The following KCNN3 variants were observed in gnomAD, a reference collection of about 807,000 sequenced individuals.
KCNN3 encodes small conductance calcium-activated potassium channel protein 3.
Under a neutral mutation model 62.9 loss-of-function variants are expected in KCNN3, and 16 were observed. The observed-to-expected ratio is 0.25, with a 90% CI of 0.17 to 0.39. KCNN3 has a LOEUF of 0.39. KCNN3 is among the 10% of genes least tolerant of loss of function. The probability of loss-of-function intolerance (pLI) is 1.00; values close to 1 mark genes in which losing one functional copy is unlikely to be tolerated. For synonymous variants in KCNN3, 370 were observed against 389.2 expected (o/e 0.95, Z 0.58); for missense variants, 599 against 949.4 (o/e 0.63, Z 4.85).
chr1:154,710,162 C>T (rs1032424881), intron 7 of KCNN3, among the ~76,000 whole-genome samples: 2 of 152,172 alleles, frequency 1.3e-5, no homozygotes, highest in African/African-American at 2.4e-5. Context: ...TCAATACAGA[C>T]GTAATATGTG....
chr1:154,738,544 A>G (rs775582939), intron 3 of KCNN3, among the ~76,000 whole-genome samples: 1 of 152,218 alleles, frequency 6.6e-6, no homozygotes, highest in Non-Finnish European at 1.5e-5. Context: ...GGAGGAAGAC[A>G]AGGAATAAAG....
At chr1:154,794,637 C>G (rs892281277) in intron 2 of KCNN3, among the ~76,000 whole-genome samples, 2 of 152,172 alleles carry the variant, frequency 1.3e-5, no homozygotes, top group African/African-American at 4.8e-5. Context: ...TTGAGGCCCA[C>G]AAGGAACAGG....
Position 154,702,747 on chromosome 1 carries a change from A to ATG in KCNN3, c.*5227_*5228dup, listed in dbSNP as rs1699882585. The ATG allele has an allele frequency of 5.8e-5, 5 of 85,826 alleles. No individual in the cohort carries two copies. Among genetic ancestry groups the ATG allele is most frequent in the South Asian group, 3.9e-4 (1 of 2,596 alleles). 5.3% of individuals were successfully genotyped at this position (85,826 alleles called of 1,614,324 possible). ...TATATATATATATATATATATATATATGTACTTTTTCTTTTTGGCTATAAA... is the reference window on the plus strand; with the variant it reads ...TATATATATATATATATATATATATATGTGTACTTTTTCTTTTTGGCTATAAA... On this transcript the variant is annotated 3_prime_UTR_variant, in exon 8 of 8. Coordinates refer to ENST00000271915, the MANE Select transcript of KCNN3 (RefSeq NM_002249.6).
At chr1:154,713,376 G>T in intron 7 of KCNN3, 88 bp downstream of exon 7, 1 of 1,097,488 alleles carries the variant, frequency 9.1e-7, no homozygotes, top group African/African-American at 1.5e-5. Context: ...GCGCTGTCCA[G>T]TGCGAACCCA....
intron 3 of KCNN3, among the ~76,000 whole-genome samples, chr1:154,754,440 A>G (rs1458401803): frequency 6.6e-6 from 1 of 152,180 alleles, no homozygotes; most frequent in Non-Finnish European, 1.5e-5. Context: ...CCTCTTCTTC[A>G]TTAGTAAGAG....
chr1:154,784,462 T>C (rs2101854354), intron 2 of KCNN3, among the ~76,000 whole-genome samples: 1 of 152,284 alleles, frequency 6.6e-6, no homozygotes, highest in Non-Finnish European at 1.5e-5. Flanking sequence ...GTACAAGCAC[T>C]CCCTCTTCTC....
At chr1:154,840,033 A>C (rs930229272) in intron 1 of KCNN3, among the ~76,000 whole-genome samples, 2 of 152,120 alleles carry the variant, frequency 1.3e-5, no homozygotes, top group African/African-American at 2.4e-5. Context: ...AAGGCACTGG[A>C]AATTGTACTT....
intron 1 of KCNN3, among the ~76,000 whole-genome samples, chr1:154,825,357 G>A (rs1192664662): frequency 6.9e-6 from 1 of 145,068 alleles, no homozygotes; most frequent in East Asian, 2.1e-4. Context: ...CCCATTTGAT[G>A]AGAATCATTT....
intron 1 of KCNN3, among the ~76,000 whole-genome samples, chr1:154,847,721 T>C (rs1200624542): frequency 1.3e-5 from 2 of 152,134 alleles, no homozygotes; most frequent in Non-Finnish European, 2.9e-5. Context: ...GTCTTGCCTC[T>C]CCCCACCCAT....
At chr1:154,819,374 G>C (rs1358427957) in intron 2 of KCNN3, among the ~76,000 whole-genome samples, 1 of 152,164 alleles carries the variant, frequency 6.6e-6, no homozygotes. Flanking sequence ...TTCAAAGAAC[G>C]TGCTACAAAC....
chr1:154,709,546 G>A (rs948557669), intron 7 of KCNN3, among the ~76,000 whole-genome samples: 1 of 152,160 alleles, frequency 6.6e-6, no homozygotes, highest in African/African-American at 2.4e-5. Context: ...AGCCAGAGAA[G>A]AATGAAGGGG....
rs555811870 is a variant in KCNN3, at chr1:154,732,354, G to A, written c.1590+649C>T. Among the ~76,000 whole-genome samples, 16 of 152,308 alleles carry A rather than the reference G, an allele frequency of 1.1e-4. No homozygotes were observed. The South Asian group carries it at 2.5e-3, about 24-fold the overall frequency. Reference sequence around the variant, plus strand: ...GGAGAGATACACCTTGAAAGGGCACGGCACACCTGCTGGGCACCTGGAGAT... The same window carrying A: ...GGAGAGATACACCTTGAAAGGGCACAGCACACCTGCTGGGCACCTGGAGAT... On this transcript the variant is annotated intron_variant, in intron 4 of 7. Coordinates refer to ENST00000271915, the MANE Select transcript of KCNN3 (RefSeq NM_002249.6).
At chr1:154,775,584 A>G (rs1054483240) in intron 2 of KCNN3, among the ~76,000 whole-genome samples, 6 of 1,698 alleles carry the variant, frequency 3.5e-3, no homozygotes, top group African/African-American at 5.9e-3. Flanking sequence ...CCACCCACCC[A>G]TGAGGATCCT....
Position 154,748,012 on chromosome 1 carries a change from C to T in KCNN3, c.1449-14868G>A, listed in dbSNP as rs150007717. On this transcript the variant is annotated intron_variant, in intron 3 of 7. Transcript: ENST00000271915. ...CCCATTCTCCCTCACTTCTCACCAC[C>T]GGCTCTTGGCCATCTCCACCCCCAG... Among the ~76,000 whole-genome samples, 12 of 152,296 alleles carry T rather than the reference C, an allele frequency of 7.9e-5. No homozygotes were observed. In the East Asian group the frequency reaches 2.3e-3, roughly 29 times the overall value.
At position 154,869,407 on chromosome 1, in the gene KCNN3, C is replaced by T. The variant is rs148154578; in HGVS notation, c.558G>A (p.Lys186=). ...GGGAGGCGCTGAGGCGGCTGAGGGG[C>T]TTCATGACCCCACCGCTATACTTGC... ...SSCKYSGGVM[K]PLSRLSASRR... Residue 186 remains lysine (K), a synonymous_variant, in exon 1 of 8, where the codon AAG becomes AAA. Transcript: ENST00000271915. The surrounding 1 kb of genome is among the most constrained non-coding windows in gnomAD (Gnocchi z 6.1). 1 of 1,613,882 alleles carries T rather than the reference C, an allele frequency of 6.2e-7. No homozygotes were observed. Among genetic ancestry groups the T allele is most frequent in the African/African-American group, 1.3e-5 (1 of 74,918 alleles).
intron 5 of KCNN3, among the ~76,000 whole-genome samples, chr1:154,724,356 T>G (rs933410953): frequency 6.6e-6 from 1 of 152,232 alleles, no homozygotes; most frequent in Non-Finnish European, 1.5e-5. Flanking sequence ...CACTGAATAT[T>G]TTCTCTAGCT....
chr1:154,776,905 C>T (rs1301252664), intron 2 of KCNN3, among the ~76,000 whole-genome samples: 1 of 152,174 alleles, frequency 6.6e-6, no homozygotes, highest in African/African-American at 2.4e-5. Context: ...TCTTAAGGCT[C>T]CCAGGTGAGT....
intron 3 of KCNN3, among the ~76,000 whole-genome samples, chr1:154,743,751 G>A (rs564946408): frequency 1.8e-4 from 27 of 152,290 alleles, no homozygotes; most frequent in East Asian, 3.9e-4. Flanking sequence ...CTGTGCTGCC[G>A]GGTGATTTTG....
chr1:154,779,095 C>T (rs560091630), intron 2 of KCNN3, among the ~76,000 whole-genome samples: 7 of 152,048 alleles, frequency 4.6e-5, no homozygotes, highest in African/African-American at 9.7e-5. Context: ...CATCAGAAGC[C>T]GTCCTAGACC....
Sources: gnomAD v4.1 joint callset for allele counts (sites outside exome capture counted in the v4.1 genomes callset) on GRCh38, gnomAD v4.1.1 for gene constraint, Gnocchi (gnomAD v3.1) non-coding constraint, MANE v1.5 for transcripts, NCBI Gene and HGNC (gene_info 2026-07-23, HGNC 2026-07-21) for gene names.